Variants in EXD2 observed in about 807,000 individuals in gnomAD.
EXD2 encodes exonuclease 3'-5' domain containing 2.
Under a neutral mutation model 62.5 loss-of-function variants are expected in EXD2, and 40 were observed. The ratio of observed to expected loss-of-function variants is 0.64; its 90% CI spans 0.50 to 0.83. The LOEUF is 0.83. Among genes scored for constraint, EXD2 ranks in the 40% least tolerant of loss-of-function variants. The probability of loss-of-function intolerance (pLI) is 0.00; values close to 1 mark genes in which losing one functional copy is unlikely to be tolerated. For synonymous variants in EXD2, 239 were observed against 291.9 expected (o/e 0.82, Z 1.85); for missense variants, 671 against 761.8 (o/e 0.88, Z 1.40).
chr14:69,205,795 C>A (rs1398954818), intron 2 of EXD2, among the ~76,000 whole-genome samples: 2 of 151,990 alleles, frequency 1.3e-5, no homozygotes, highest in African/African-American at 4.8e-5. Flanking sequence ...CAGTTCTGAA[C>A]CAGTGTAAAT....
intron 1 of EXD2, among the ~76,000 whole-genome samples, chr14:69,201,676 T>G (rs996969886): frequency 3.1e-5 from 4 of 128,112 alleles, no homozygotes; most frequent in Admixed American, 7.9e-5. Flanking sequence ...TTCTCTGTTT[T>G]TTTTTTTTTT....
chr14:69,226,312 A>C (rs2043359493), intron 3 of EXD2, among the ~76,000 whole-genome samples: 1 of 152,238 alleles, frequency 6.6e-6, no homozygotes. Flanking sequence ...GCTGAGCCTC[A>C]AGAAATAGAC....
intron 3 of EXD2, among the ~76,000 whole-genome samples, chr14:69,212,102 G>A (rs915924091): frequency 2.6e-5 from 4 of 152,126 alleles, no homozygotes; most frequent in Non-Finnish European, 5.9e-5. Flanking sequence ...TAGGCTGGGC[G>A]CGGTAGCCCA....
intron 9 of EXD2, 40 bp from the exon 10 acceptor site, chr14:69,240,844 C>A: frequency 1.3e-6 from 2 of 1,583,894 alleles, no homozygotes; most frequent in Non-Finnish European, 8.6e-7. Flanking sequence ...CCATCCTGCG[C>A]TTGTTTCCCT....
At position 69,237,816 on chromosome 14, in the gene EXD2, G is replaced by A. The variant is rs2043849718; in HGVS notation, c.1534G>A (p.Ala512Thr). The A allele has an allele frequency of 1.9e-6, 3 of 1,613,660 alleles. No homozygotes were observed. The highest frequency in any genetic ancestry group is 2.5e-6 in the Non-Finnish European group (3 of 1,179,878). Residue 512 changes from alanine (A) to threonine (T), a missense_variant, in exon 9 of 10, where the codon GCG (alanine) becomes ACG (threonine). Transcript: ENST00000685843. ...VRSGARALLN[A>T]ESLPTQRKEE... is the part of the protein sequence containing the mutation. ...TTCTGGGGCCAGGGCCCTGCTCAAC[G>A]CGGAGAGCCTGCCTACTCAGCGAAA...
chr14:69,232,302 T>A (rs2043613042), intron 5 of EXD2, among the ~76,000 whole-genome samples: 1 of 152,188 alleles, frequency 6.6e-6, no homozygotes, highest in Non-Finnish European at 1.5e-5. Context: ...ATCCTTCTGT[T>A]TCCGCCCTTG....
chr14:69,233,258 C>G (rs1428661862), intron 5 of EXD2, among the ~76,000 whole-genome samples: 1 of 151,962 alleles, frequency 6.6e-6, no homozygotes, highest in Non-Finnish European at 1.5e-5. Flanking sequence ...TTTATCCAAA[C>G]TTGTTTTACT....
In EXD2 at chr14:69,236,067, C is replaced by T. The variant is rs765079435; in HGVS notation, c.1071C>T (p.Asn357=). Residue 357 remains asparagine, a synonymous_variant, in exon 7 of 10, where the codon AAC becomes AAT. Coordinates refer to ENST00000685843, the MANE Select transcript of EXD2 (RefSeq NM_001193360.2). ...GCAGAAAATCACCTCTTTATGATAA[C>T]TGCTTTCTCCATGCTCCTGATGGAC... ...YSARKSPLYD[N]CFLHAPDGQP... is the part of the protein sequence containing the mutation. The T allele has an allele frequency of 1.2e-6, 2 of 1,614,010 alleles. No individual in the cohort carries two copies. Among genetic ancestry groups the T allele is most frequent in the Non-Finnish European group, 1.7e-6 (2 of 1,179,980 alleles).
intron 6 of EXD2, 128 bp from the exon 7 acceptor site, chr14:69,235,918 A>G (rs2043767740): frequency 5.2e-6 from 4 of 769,954 alleles, no homozygotes; most frequent in African/African-American, 5.1e-5. Context: ...TGTTTTTTCC[A>G]TAGTGGTGTG....
At chr14:69,223,492 T>C (rs2043257457) in intron 3 of EXD2, among the ~76,000 whole-genome samples, 1 of 152,220 alleles carries the variant, frequency 6.6e-6, no homozygotes, top group African/African-American at 2.4e-5. Flanking sequence ...ATTTCTTTAA[T>C]GGCAAAATAT....
rs2044023739 is a variant in EXD2, at chr14:69,243,192, C to G, written c.*2092C>G. The G allele has an allele frequency of 6.6e-6, 1 of 152,160 alleles. No homozygotes were observed. Among genetic ancestry groups the G allele is most frequent in the Non-Finnish European group, 1.5e-5 (1 of 68,024 alleles). 9.4% of individuals were successfully genotyped at this position (152,160 alleles called of 1,614,324 possible). ...TGCTTTGAACTTTAGCAGGCTTTTCCTAAGACTGACAATTGTCGTCTTAAA... is the reference window on the plus strand; with the variant it reads ...TGCTTTGAACTTTAGCAGGCTTTTCGTAAGACTGACAATTGTCGTCTTAAA... On this transcript the variant is annotated 3_prime_UTR_variant, in exon 10 of 10. Transcript: ENST00000685843.
At position 69,234,861 on chromosome 14, in the gene EXD2, A is replaced by G; in HGVS notation, c.879A>G (p.Arg293=). The G allele has an allele frequency of 6.2e-7, 1 of 1,614,224 alleles. No homozygotes were observed. The highest frequency in any genetic ancestry group is 8.5e-7 in the Non-Finnish European group (1 of 1,180,044). Residue 293 remains arginine, a synonymous_variant, in exon 6 of 10, where the codon CGA becomes CGG. Coordinates refer to ENST00000685843, the MANE Select transcript of EXD2 (RefSeq NM_001193360.2). ...AGGGTGTGGTCGACATCCCATTTCG[A>G]AGCAAAGGAATGAGCAGATTGGGAG... is the stretch of plus-strand genomic sequence containing the variant. ...KCQGVVDIPF[R]SKGMSRLGEE... is the part of the protein sequence containing the mutation.
intron 1 of EXD2, among the ~76,000 whole-genome samples, chr14:69,193,119 C>A (rs1041083686): frequency 6.7e-6 from 1 of 149,330 alleles, no homozygotes; most frequent in Non-Finnish European, 1.5e-5. Context: ...AGTGCAGTGG[C>A]GTGATCTCAG....
At chr14:69,205,846 T>G (rs905999963) in intron 2 of EXD2, among the ~76,000 whole-genome samples, 4 of 152,174 alleles carry the variant, frequency 2.6e-5, no homozygotes, top group Non-Finnish European at 4.4e-5. Flanking sequence ...GAGGATAATG[T>G]GAACTTGGGC....
intron 1 of EXD2, among the ~76,000 whole-genome samples, chr14:69,202,781 G>A (rs973148087): frequency 3.9e-5 from 6 of 152,212 alleles, no homozygotes; most frequent in African/African-American, 1.4e-4. Context: ...TCAAGATGCA[G>A]ATTGGCCTCA....
intron 9 of EXD2, 111 bp downstream of exon 9, chr14:69,238,042 A>G (rs2043859318): frequency 2.3e-6 from 2 of 886,438 alleles, no homozygotes; most frequent in Admixed American, 2.5e-5. Flanking sequence ...GCCTAGCCTC[A>G]TGCTTCACCT....
intron 6 of EXD2, 172 bp from the exon 7 acceptor site, chr14:69,235,874 A>G: frequency 1.5e-6 from 1 of 663,228 alleles, no homozygotes; most frequent in Non-Finnish European, 2.7e-6. Context: ...TTCCTAGCCC[A>G]GTGCAGGTGA....
intron 3 of EXD2, among the ~76,000 whole-genome samples, chr14:69,212,714 T>C (rs2042852165): frequency 6.9e-6 from 1 of 144,482 alleles, no homozygotes; most frequent in Admixed American, 6.9e-5. Context: ...TTTTTTTTTT[T>C]TTTTTTTTTT....
chr14:69,237,534 A>T (rs113473721), intron 8 of EXD2, 41 bp from the exon 9 acceptor site: 1 of 1,591,244 alleles, frequency 6.3e-7, no homozygotes, highest in Non-Finnish European at 8.6e-7. Context: ...GTGCTCTGTC[A>T]TACACTTATG....
Sources: allele counts gnomAD v4.1 joint callset (sites outside exome capture counted in the v4.1 genomes callset), GRCh38; gene constraint gnomAD v4.1.1; transcripts MANE v1.5; gene names NCBI Gene and HGNC (gene_info 2026-07-23, HGNC 2026-07-21).